CD101: variants seen among roughly 807,000 people sequenced by gnomAD.
CD101 encodes the protein immunoglobulin superfamily member 2.
Under a neutral mutation model 98.2 loss-of-function variants are expected in CD101, and 76 were observed. The ratio of observed to expected loss-of-function variants is 0.77; its 90% CI spans 0.64 to 0.94. The LOEUF (loss-of-function observed/expected upper bound fraction) is 0.94. Among genes scored for constraint, CD101 ranks in the 40% least tolerant of loss-of-function variants. The pLI, the probability that CD101 is intolerant of heterozygous loss-of-function variation, is 0.00. For missense variants in CD101, 1,145 were observed against 1,218.8 expected (o/e 0.94, Z 0.90); for synonymous variants, 471 against 472.7 (o/e 1.00, Z 0.05).
chr1:117,029,868 G>A (rs1241853614), intron 8 of CD101, among the ~76,000 whole-genome samples: 2 of 152,172 alleles, frequency 1.3e-5, no homozygotes, highest in Non-Finnish European at 2.9e-5. Context: ...TCGGAGAATG[G>A]ACCTTGCCTT....
At chr1:117,017,521 C>G in intron 5 of CD101, 48 bp downstream of exon 5, 1 of 1,549,320 alleles carries the variant, frequency 6.5e-7, no homozygotes, top group Non-Finnish European at 8.7e-7. Flanking sequence ...TCACTCAATT[C>G]ATTCTGCAGT....
chr1:117,029,566 A>G (rs1654313221), intron 8 of CD101, among the ~76,000 whole-genome samples: 1 of 152,348 alleles, frequency 6.6e-6, no homozygotes, highest in Middle Eastern at 3.4e-3. Context: ...CTGCTAGACT[A>G]TACTATAGGC....
Position 117,036,248 on chromosome 1 carries a change from AC to A in CD101, c.*118del, listed in dbSNP as rs1300540770. 1 of 152,202 alleles carries A rather than the reference AC, an allele frequency of 6.6e-6. No individual in the cohort carries two copies. Among genetic ancestry groups the A allele is most frequent in the African/African-American group, 2.4e-5 (1 of 41,410 alleles). The allele number at this position is 152,202 out of a possible 1,614,324, so 9.4% of individuals were successfully genotyped here. On this transcript the variant is annotated 3_prime_UTR_variant, in exon 10 of 10. Coordinates refer to ENST00000682167, the MANE Select transcript of CD101 (RefSeq NM_001256106.3). The surrounding 1 kb of genome is among the most constrained non-coding windows in gnomAD (Gnocchi z 5.0). ...GTCACCTGGAACCAGCTCCTGACAG[AC>A]CCCGGCAACTTCTAGATGAACCCAA... is the stretch of plus-strand genomic sequence containing the variant.
At position 117,023,719 on chromosome 1, in the gene CD101, G is replaced by A. The variant is rs917911739; in HGVS notation, c.2428+1736G>A. Among the ~76,000 whole-genome samples the A allele has an allele frequency of 6.6e-6, 1 of 151,804 alleles. No individual in the cohort carries two copies. The highest frequency in any genetic ancestry group is 1.5e-5 in the Non-Finnish European group (1 of 67,908). ...GGCGTGAGCCACTGCGCCCAGCCCA[G>A]TTCTCTTAAAATACTGCAAGTGTCA... On this transcript the variant is annotated intron_variant, in intron 7 of 9. Transcript: ENST00000682167. This position sits in a 1 kb window ranked among gnomAD's most constrained non-coding sequence, Gnocchi z 4.4.
rs1553188359 is a variant in CD101, at chr1:117,029,229, G to GA, written c.2824+3328dup. ...AAAAGAAAGAAAAGAAAGAAAGAAA[G>GA]AAAGAAAGAAAGAAAGAAAGAAAGA... On this transcript the variant is annotated intron_variant, in intron 8 of 9. Transcript: ENST00000682167. Among the ~76,000 whole-genome samples, 338 of 56,624 alleles carry GA rather than the reference G, an allele frequency of 6.0e-3. 25 individuals carry two copies. The highest frequency in any genetic ancestry group is 0.011 in the African/African-American group (133 of 11,868). The allele number at this position is 56,624 out of a possible 152,430, so 37.1% of individuals were successfully genotyped here. A position where few individuals can be genotyped will look rare whatever the true frequency, so the allele number is the denominator to read the frequency against.
chr1:117,008,688 A>G (rs919914045), intron 1 of CD101, among the ~76,000 whole-genome samples: 2 of 151,980 alleles, frequency 1.3e-5, no homozygotes, highest in African/African-American at 4.8e-5. Flanking sequence ...CAGCCTTATC[A>G]TGTTCTCTGT....
At chr1:117,008,706 T>C (rs1271086414) in intron 1 of CD101, among the ~76,000 whole-genome samples, 1 of 152,196 alleles carries the variant, frequency 6.6e-6, no homozygotes, top group East Asian at 1.9e-4. Context: ...TGTAATGTCC[T>C]TTTTCCTTTC....
At chr1:117,025,369 T>C (rs1653841078) in intron 7 of CD101, 140 bp from the exon 8 acceptor site, 1 of 701,736 alleles carries the variant, frequency 1.4e-6, no homozygotes, top group Non-Finnish European at 2.1e-6. Context: ...TCTCAAAAAA[T>C]AAAAATAATA....
In CD101 at chr1:117,010,191, A is replaced by G. The variant is rs1175974111; in HGVS notation, c.385A>G (p.Lys129Glu). ...GTGTCACACACCAAACACTGATGAGAAATACTATGGAAGTTACAGTGCAAA... is the reference window on the plus strand; with the variant it reads ...GTGTCACACACCAAACACTGATGAGGAATACTATGGAAGTTACAGTGCAAA... ...YECHTPNTDE[K>E]YYGSYSAKTN... Residue 129 changes from lysine to glutamate, a missense_variant, in exon 2 of 10, where the codon AAA becomes GAA. Physicochemically the swap from Lys to Glu is moderately conservative, Grantham distance 56 (BLOSUM62 1). Coordinates refer to ENST00000682167, the MANE Select transcript of CD101 (RefSeq NM_001256106.3). The surrounding 1 kb of genome is among the most constrained non-coding windows in gnomAD (Gnocchi z 5.2). The G allele has an allele frequency of 1.9e-6, 3 of 1,614,148 alleles. No homozygotes were observed. The highest frequency in any genetic ancestry group is 1.7e-6 in the Non-Finnish European group (2 of 1,179,982).
intron 1 of CD101, among the ~76,000 whole-genome samples, chr1:117,002,993 A>G (rs1652327928): frequency 6.6e-6 from 1 of 152,124 alleles, no homozygotes; most frequent in Non-Finnish European, 1.5e-5. Flanking sequence ...CTCTTGCTTT[A>G]TAGCTGGGCA....
chr1:117,035,478 G>A (rs1290070612), intron 9 of CD101, among the ~76,000 whole-genome samples: 1 of 151,370 alleles, frequency 6.6e-6, no homozygotes, highest in Admixed American at 6.6e-5. Flanking sequence ...CCTTAAACAT[G>A]TCAGCACATT....
At chr1:117,003,423 T>TG (rs1475597096) in intron 1 of CD101, among the ~76,000 whole-genome samples, 2 of 152,218 alleles carry the variant, frequency 1.3e-5, no homozygotes, top group African/African-American at 4.8e-5. Context: ...TGGGACCACT[T>TG]GCTGGGTGAC....
chr1:117,009,562 C>T (rs1002809283), intron 1 of CD101, among the ~76,000 whole-genome samples: 3 of 152,168 alleles, frequency 2.0e-5, no homozygotes, highest in Admixed American at 6.5e-5. Context: ...AAGTACACTT[C>T]GATAAGCAGA....
In CD101 at chr1:117,005,762, C is replaced by G. The variant is rs1195405581; in HGVS notation, c.43+3902C>G. Among the ~76,000 whole-genome samples, 1 of 152,120 alleles carries G rather than the reference C, an allele frequency of 6.6e-6. No individual in the cohort carries two copies. The highest frequency in any genetic ancestry group is 2.4e-5 in the African/African-American group (1 of 41,422). ...ACAAACAGACATTTACAGGAGCCAA[C>G]AAGAAACAATGGGGACAGCCATGGA... On this transcript the variant is annotated intron_variant, in intron 1 of 9. Coordinates refer to ENST00000682167, the MANE Select transcript of CD101 (RefSeq NM_001256106.3). The surrounding 1 kb of genome is among the most constrained non-coding windows in gnomAD (Gnocchi z 4.4).
intron 8 of CD101, chr1:117,026,193 G>A: frequency 3.3e-6 from 1 of 299,952 alleles, no homozygotes; most frequent in Non-Finnish European, 6.2e-6. Flanking sequence ...TGAGCAATAA[G>A]CTAAGCTTAC....
chr1:117,027,946 A>G (rs940863142), intron 8 of CD101, among the ~76,000 whole-genome samples: 17 of 152,200 alleles, frequency 1.1e-4, no homozygotes, highest in South Asian at 8.3e-4. Context: ...TTAGCCGGGC[A>G]TGGTGGCCCA....
rs1653727498 is a variant in CD101, at chr1:117,023,868, GA to G, written c.2429-1640del. Among the ~76,000 whole-genome samples the G allele has an allele frequency of 6.6e-6, 1 of 152,120 alleles. No individual in the cohort carries two copies. The highest frequency in any genetic ancestry group is 1.5e-5 in the Non-Finnish European group (1 of 68,030). ...AATGACTGGTCAGAGTTGTAAGGGG[GA>G]TATTTTCTCTGAGGTTGGAAGAAAA... On this transcript the variant is annotated intron_variant, in intron 7 of 9. Transcript: ENST00000682167. This position sits in a 1 kb window ranked among gnomAD's most constrained non-coding sequence, Gnocchi z 4.4.
rs188824742 is a variant in CD101 at position 117,019,175 on chromosome 1, T to C, written c.2017+615T>C. 2.5e-4 allele frequency among the ~76,000 whole-genome samples: 38 copies of C among 152,190 alleles called. No individual in the cohort carries two copies. Among genetic ancestry groups the C allele is most frequent in the African/African-American group, 8.7e-4 (36 of 41,498 alleles). On this transcript the variant is annotated intron_variant, in intron 6 of 9. Coordinates refer to ENST00000682167, the MANE Select transcript of CD101 (RefSeq NM_001256106.3). This position sits in a 1 kb window ranked among gnomAD's most constrained non-coding sequence, Gnocchi z 4.3. ...ATAGTTTGCATTCTCTTAGGAAGAG[T>C]GATGGAGAGACGTTGGAGTCATTTA...
In CD101 at chr1:117,022,572, A is replaced by G. The variant is rs1403032835; in HGVS notation, c.2428+589A>G. Among the ~76,000 whole-genome samples the G allele has an allele frequency of 6.6e-6, 1 of 152,126 alleles. No homozygotes were observed. The highest frequency in any genetic ancestry group is 2.4e-5 in the African/African-American group (1 of 41,430). On this transcript the variant is annotated intron_variant, in intron 7 of 9. Transcript: ENST00000682167. This position sits in a 1 kb window ranked among gnomAD's most constrained non-coding sequence, Gnocchi z 4.8. ...CACTGTCTAAATGTGGGCAGGGTTG[A>G]TTAGGTCTCTCAGCATAGGTTAGGT...
Sources: gnomAD v4.1 joint callset for allele counts (sites outside exome capture counted in the v4.1 genomes callset) on GRCh38, gnomAD v4.1.1 for gene constraint, Gnocchi (gnomAD v3.1) non-coding constraint, MANE v1.5 for transcripts, NCBI Gene and HGNC (gene_info 2026-07-23, HGNC 2026-07-21) for gene names.